TEX11: variants seen among roughly 807,000 people sequenced by gnomAD.
TEX11 encodes testis expressed 11, also known as testis-expressed protein 11.
In TEX11, 7 loss-of-function variants were observed where a neutral mutation model predicts 84.4. The ratio of observed to expected loss-of-function variants is 0.08; its 90% CI spans 0.05 to 0.16. The LOEUF is 0.16. Ranked by LOEUF, TEX11 falls within the 10% of genes least tolerant of loss-of-function variation. The pLI, the probability that TEX11 is intolerant of heterozygous loss-of-function variation, is 1.00. For synonymous variants in TEX11, 264 were observed against 222.8 expected (o/e 1.18, Z -1.64); for missense variants, 551 against 660.5 (o/e 0.83, Z 1.82).
intron 9 of TEX11, among the ~76,000 whole-genome samples, chrX:70,752,581 T>A (rs1248154358): frequency 2.4e-5 from 2 of 83,682 alleles, no homozygotes; most frequent in South Asian, 1.1e-3. Flanking sequence ...ATCCAAAAAA[T>A]GTTACAAAAA....
Position 70,853,057 on chromosome X carries a change from C to T in TEX11, c.502G>A (p.Val168Met), listed in dbSNP as rs375000923. Residue 168 changes from valine to methionine, a missense_variant, in exon 7 of 30, where the codon GTG becomes ATG. Physicochemically the swap from Val to Met is conservative, Grantham distance 21. Coordinates refer to ENST00000374333, the MANE Select transcript of TEX11 (RefSeq NM_031276.3). The part of the protein sequence containing the change: ...KITVESDHFR[V>M]LSYQAESAVA... ...ACTGACTCTGCTTGGTAAGAAAGCA[C>T]TCTGAAGTGGTCACTCTCAACAGTA... is the stretch of plus-strand genomic sequence containing the variant. 8.3e-6 allele frequency: 10 copies of T among 1,209,259 alleles called. No homozygotes were observed. Among genetic ancestry groups the T allele is most frequent in the Non-Finnish European group, 1.1e-5 (10 of 894,209 alleles).
At chrX:70,708,039 T>C (rs779830049) in intron 13 of TEX11, among the ~76,000 whole-genome samples, 37 of 110,286 alleles carry the variant, frequency 3.4e-4, no homozygotes, top group Non-Finnish European at 6.5e-4. Context: ...CCAGAATCTA[T>C]AAGGAACTTT....
chrX:70,772,345 T>G (rs1432916351), intron 9 of TEX11, among the ~76,000 whole-genome samples: 1 of 111,236 alleles, frequency 9.0e-6, no homozygotes, highest in Non-Finnish European at 1.9e-5. Context: ...GAGGCTGTGG[T>G]GGGAGGATCA....
rs185349553 is a variant in TEX11, at chrX:70,592,735, C to A, written c.2068-912G>T. ...GACAGAAGTGGGCCACTGTCCCTGC[C>A]CCTAGCTCCAAAACAGTGGTTCAGT... is the stretch of plus-strand genomic sequence containing the variant. On this transcript the variant is annotated intron_variant, in intron 24 of 29. Transcript: ENST00000374333. Among the ~76,000 whole-genome samples the A allele has an allele frequency of 2.4e-3, 271 of 111,154 alleles. 1 individual carries two copies. The Middle Eastern group carries it at 0.037, about 15-fold the overall frequency.
At chrX:70,679,309 C>T (rs1176646392) in intron 14 of TEX11, among the ~76,000 whole-genome samples, 2 of 110,987 alleles carry the variant, frequency 1.8e-5, no homozygotes, top group African/African-American at 6.5e-5. Flanking sequence ...CTCCCAGCCG[C>T]CTGCCTTGGC....
intron 7 of TEX11, among the ~76,000 whole-genome samples, chrX:70,851,048 C>A (rs1602182132): frequency 1.8e-5 from 2 of 112,108 alleles, no homozygotes; most frequent in South Asian, 7.4e-4. Context: ...TCAATGCTAT[C>A]CCTATCAAAA....
chrX:70,856,325 A>C (rs1241756723), intron 5 of TEX11, among the ~76,000 whole-genome samples: 1 of 110,971 alleles, frequency 9.0e-6, no homozygotes, highest in East Asian at 2.8e-4. Flanking sequence ...ATGAGGGGAG[A>C]TATGAGTATA....
At chrX:70,709,270 A>T (rs2090405034) in intron 13 of TEX11, among the ~76,000 whole-genome samples, 1 of 111,316 alleles carries the variant, frequency 9.0e-6, no homozygotes, top group Non-Finnish European at 1.9e-5. Context: ...CTGAATAAAC[A>T]TGATTAATTA....
At chrX:70,687,339 CAAT>C (rs2090197734) in intron 13 of TEX11, among the ~76,000 whole-genome samples, 1 of 111,710 alleles carries the variant, frequency 9.0e-6, no homozygotes, top group African/African-American at 3.2e-5. Context: ...AAGATATCCT[CAAT>C]ATTCTTAAGT....
chrX:70,727,684 GTCATGAGGGCTGAGCCC>G (rs1488615836), intron 11 of TEX11, among the ~76,000 whole-genome samples: 1 of 111,307 alleles, frequency 9.0e-6, no homozygotes. Context: ...AGGTAATTTG[GTCATGAGGGCTGAGCCC>G]TCATGAATGG....
chrX:70,757,721 C>T (rs773730294), intron 9 of TEX11, among the ~76,000 whole-genome samples: 2 of 111,431 alleles, frequency 1.8e-5, no homozygotes, highest in African/African-American at 3.3e-5. Context: ...AATTAACAGG[C>T]AAAATAACCA....
intron 10 of TEX11, among the ~76,000 whole-genome samples, chrX:70,743,803 G>A (rs1397059415): frequency 9.3e-6 from 1 of 107,919 alleles, no homozygotes; most frequent in East Asian, 2.9e-4. Flanking sequence ...TTGAACCTGG[G>A]AGGCAGAGGT....
chrX:70,894,649 C>T (rs1047917174), intron 2 of TEX11, among the ~76,000 whole-genome samples: 8 of 110,252 alleles, frequency 7.3e-5, no homozygotes, highest in African/African-American at 2.0e-4. Context: ...TACTGGCAAA[C>T]CAAATCCAGC....
intron 9 of TEX11, among the ~76,000 whole-genome samples, chrX:70,800,687 C>CTTTTTT (rs60458912): frequency 1.6e-5 from 1 of 62,314 alleles, no homozygotes; most frequent in African/African-American, 5.5e-5. Flanking sequence ...ATTTCATGTG[C>CTTTTTT]TTTTTTTTTT....
chrX:70,812,369 G>A (rs1055566639), intron 8 of TEX11, among the ~76,000 whole-genome samples: 12 of 110,059 alleles, frequency 1.1e-4, no homozygotes, highest in African/African-American at 3.3e-4. Context: ...CCACCAGGCC[G>A]GCTAATTTTT....
At chrX:70,870,571 G>A (rs1162989795) in intron 4 of TEX11, among the ~76,000 whole-genome samples, 2 of 111,388 alleles carry the variant, frequency 1.8e-5, no homozygotes, top group African/African-American at 3.3e-5. Context: ...TCCTGACCTC[G>A]TGATCCACCT....
intron 18 of TEX11, 59 bp from the exon 19 acceptor site, chrX:70,624,983 A>T: frequency 1.2e-6 from 1 of 827,711 alleles, no homozygotes; most frequent in Non-Finnish European, 1.8e-6. Flanking sequence ...GCAAAATATT[A>T]TCTATATTCC....
chrX:70,737,577 C>T (rs192656933), intron 11 of TEX11, among the ~76,000 whole-genome samples: 73 of 110,539 alleles, frequency 6.6e-4, no homozygotes, highest in Non-Finnish European at 1.5e-4. Flanking sequence ...AAAACTTATT[C>T]AGAAAAGAAG....
chrX:70,534,721 G>A (rs556116968), intron 28 of TEX11, among the ~76,000 whole-genome samples: 1 of 111,646 alleles, frequency 9.0e-6, no homozygotes, highest in South Asian at 3.8e-4. Context: ...GTCCTTTTAG[G>A]CTCTCCATAG....
Sources: gnomAD v4.1 joint callset for allele counts (sites outside exome capture counted in the v4.1 genomes callset) on GRCh38, gnomAD v4.1.1 for gene constraint, MANE v1.5 for transcripts, NCBI Gene and HGNC (gene_info 2026-07-23, HGNC 2026-07-21) for gene names.